Variants in DAPK2 observed in about 807,000 individuals in gnomAD.
The protein encoded by DAPK2 is death associated protein kinase 2.
In DAPK2, 35 loss-of-function variants were observed where a neutral mutation model predicts 44.1. That is an observed-to-expected ratio of 0.79 (90% CI 0.61 to 1.05). The LOEUF (loss-of-function observed/expected upper bound fraction) is 1.05. DAPK2 is among the 50% of genes least tolerant of loss of function. The pLI, the probability that DAPK2 is intolerant of heterozygous loss-of-function variation, is 0.00. For synonymous variants in DAPK2, 174 were observed against 182.6 expected (o/e 0.95, Z 0.38); for missense variants, 453 against 483.2 (o/e 0.94, Z 0.59).
chr15:63,980,917 C>T lies in DAPK2; in HGVS notation c.314+2616G>A, dbSNP rs1462195651. Among the ~76,000 whole-genome samples the T allele has an allele frequency of 2.0e-5, 3 of 152,162 alleles. No homozygotes were observed. In the East Asian group the frequency reaches 5.8e-4, roughly 29 times the overall value. On this transcript the variant is annotated intron_variant, in intron 2 of 10. Transcript: ENST00000261891. The surrounding 1 kb of genome is among the most constrained non-coding windows in gnomAD (Gnocchi z 4.3). ...CCAGCCTGGCCAACATGGAGAAACC[C>T]CATCTCTACTAAAAATACAAAAATT... is the stretch of plus-strand genomic sequence containing the variant.
At chr15:64,029,471 C>T (rs2079948691) in intron 1 of DAPK2, among the ~76,000 whole-genome samples, 1 of 152,152 alleles carries the variant, frequency 6.6e-6, no homozygotes, top group Admixed American at 6.5e-5. Flanking sequence ...TAGTTACCGG[C>T]CTATCTCCTG....
chr15:63,955,645 G>A (rs534184557), intron 3 of DAPK2, among the ~76,000 whole-genome samples: 173 of 152,172 alleles, frequency 1.1e-3, no homozygotes, highest in Non-Finnish European at 2.0e-3. Context: ...CATGGCTCAC[G>A]TGGCCTCTGC....
upstream of DAPK2, among the ~76,000 whole-genome samples, chr15:64,042,520 A>G (rs2080374126): frequency 6.6e-6 from 1 of 152,210 alleles, no homozygotes; most frequent in African/African-American, 2.4e-5. This position sits in a 1 kb window ranked among gnomAD's most constrained non-coding sequence, Gnocchi z 4.7. Context: ...GTGAGAGGCC[A>G]GCTCCATTTG....
At position 63,912,325 on chromosome 15, in the gene DAPK2, G is replaced by T. The variant is rs1454582787; in HGVS notation, c.859-128C>A. On this transcript the variant is annotated intron_variant, in intron 8 of 10. Transcript: ENST00000261891. The surrounding 1 kb of genome is among the most constrained non-coding windows in gnomAD (Gnocchi z 4.4). ...CTTGACCCTGGCATCTCCCCGCCAG[G>T]TGGGGCACACCGTGGGAGCATCACA... is the stretch of plus-strand genomic sequence containing the variant. 4.9e-6 allele frequency: 4 copies of T among 822,120 alleles called. No individual in the cohort carries two copies. The highest frequency in any genetic ancestry group is 5.9e-6 in the Non-Finnish European group (3 of 507,488). 50.9% of individuals were successfully genotyped at this position (822,120 alleles called of 1,614,324 possible). A position where few individuals can be genotyped will look rare whatever the true frequency, so the allele number is the denominator to read the frequency against.
At chr15:63,945,509 G>C (rs1424798823) in intron 3 of DAPK2, among the ~76,000 whole-genome samples, 1 of 152,180 alleles carries the variant, frequency 6.6e-6, no homozygotes, top group Non-Finnish European at 1.5e-5. Flanking sequence ...GAGCAGGAAG[G>C]AACGGCACTA....
At chr15:63,949,723 T>C (rs2077538839) in intron 3 of DAPK2, among the ~76,000 whole-genome samples, 1 of 152,190 alleles carries the variant, frequency 6.6e-6, no homozygotes, top group Non-Finnish European at 1.5e-5. Context: ...AAACCAATGC[T>C]ACAGAGGGCC....
intron 2 of DAPK2, among the ~76,000 whole-genome samples, chr15:63,983,021 C>T (rs1006726138): frequency 6.6e-6 from 1 of 152,184 alleles, no homozygotes; most frequent in Admixed American, 6.5e-5. Flanking sequence ...TAAATAATAG[C>T]TATTATTATA....
rs1319724523 is a variant in DAPK2, at chr15:63,916,778, GCT to G, written c.859-4583_859-4582del. On this transcript the variant is annotated intron_variant, in intron 8 of 10. Coordinates refer to ENST00000261891, the Ensembl canonical transcript of DAPK2. This position sits in a 1 kb window ranked among gnomAD's most constrained non-coding sequence, Gnocchi z 4.7. ...CTGAGTTAGGTCTTGACATGGATACGCTCTGTTTTTTATTCTTCTATGGGACC... is the reference window on the plus strand; with the variant it reads ...CTGAGTTAGGTCTTGACATGGATACGCTGTTTTTTATTCTTCTATGGGACC... The G allele has an allele frequency of 6.6e-6, 1 of 152,226 alleles. No homozygotes were observed. The highest frequency in any genetic ancestry group is 1.5e-5 in the Non-Finnish European group (1 of 68,050). 9.4% of individuals were successfully genotyped at this position (152,226 alleles called of 1,614,324 possible). A position where few individuals can be genotyped will look rare whatever the true frequency, so the allele number is the denominator to read the frequency against.
intron 3 of DAPK2, among the ~76,000 whole-genome samples, chr15:63,951,629 T>A (rs951822189): frequency 6.6e-6 from 1 of 152,176 alleles, no homozygotes. Context: ...AGTCTCACTA[T>A]GGCCAGCTCC....
chr15:63,977,161 T>C (rs916853655), intron 2 of DAPK2, among the ~76,000 whole-genome samples: 1 of 152,158 alleles, frequency 6.6e-6, no homozygotes, highest in African/African-American at 2.4e-5. Context: ...GATGGCACAT[T>C]TGAGCATATG....
At chr15:64,010,333 T>C (rs1298449196) in intron 1 of DAPK2, among the ~76,000 whole-genome samples, 1 of 152,198 alleles carries the variant, frequency 6.6e-6, no homozygotes, top group African/African-American at 2.4e-5. Flanking sequence ...ATAAATATCA[T>C]TTTTAACTTA....
At chr15:63,958,688 G>A (rs895977787) in intron 3 of DAPK2, among the ~76,000 whole-genome samples, 2 of 152,034 alleles carry the variant, frequency 1.3e-5, no homozygotes, top group African/African-American at 4.8e-5. Flanking sequence ...ATTTCCGAGG[G>A]CTCTATTCTG....
intron 2 of DAPK2, among the ~76,000 whole-genome samples, chr15:63,975,600 TTTTC>T (rs893499395): frequency 2.0e-5 from 2 of 98,462 alleles, no homozygotes; most frequent in Non-Finnish European, 4.1e-5. Context: ...GATTCTTTTC[TTTTC>T]TTTTTTTTTT....
At chr15:63,950,515 G>T (rs2077558281) in intron 3 of DAPK2, among the ~76,000 whole-genome samples, 2 of 151,852 alleles carry the variant, frequency 1.3e-5, no homozygotes, top group South Asian at 4.1e-4. Context: ...ACAGTGCCCA[G>T]CCAGAAAGAG....
chr15:64,013,333 G>A lies in DAPK2; in HGVS notation c.92+26837C>T, dbSNP rs1197095703. The stretch of plus-strand genomic sequence containing the variant: ...TACTGAGATTTTAAGCTGGGAGGCT[G>A]CAAGTCACAAGACATTAAGTGAATG... On this transcript the variant is annotated intron_variant, in intron 1 of 10. Transcript: ENST00000261891. The surrounding 1 kb of genome is among the most constrained non-coding windows in gnomAD (Gnocchi z 4.7). 2.0e-5 allele frequency among the ~76,000 whole-genome samples: 3 copies of A among 152,218 alleles called. No individual in the cohort carries two copies. The highest frequency in any genetic ancestry group is 2.0e-4 in the Admixed American group (3 of 15,278).
rs1271221559 is a variant in DAPK2 at position 63,929,529 on chromosome 15, C to T, written c.659+22G>A. 6 of 1,613,574 alleles carry T rather than the reference C, an allele frequency of 3.7e-6. 1 individual carries two copies. The African/African-American group carries it at 5.4e-5, about 14-fold the overall frequency. ...CCCCCAGATCTAAGCTGAGCCAGAG[C>T]CCCTGGATCAGGGATACTCACAGGA... On this transcript the variant is annotated intron_variant, in intron 6 of 10. Coordinates refer to ENST00000261891, the Ensembl canonical transcript of DAPK2.
In DAPK2 at chr15:63,939,199, C is replaced by G. The variant is rs749266624; in HGVS notation, c.583+33G>C. ...GGATCCCTACCTTTGATGCCAGATT[C>G]TTAGCTGAAAGACAAACAGGCCTAC... On this transcript the variant is annotated intron_variant, in intron 4 of 10. Transcript: ENST00000261891. This position sits in a 1 kb window ranked among gnomAD's most constrained non-coding sequence, Gnocchi z 4.3. The G allele has an allele frequency of 1.1e-5, 17 of 1,610,626 alleles. No individual in the cohort carries two copies. Among genetic ancestry groups the G allele is most frequent in the African/African-American group, 1.3e-5 (1 of 74,760 alleles).
chr15:63,961,694 T>C (rs1311850525), intron 3 of DAPK2, among the ~76,000 whole-genome samples: 1 of 152,194 alleles, frequency 6.6e-6, no homozygotes, highest in Admixed American at 6.5e-5. Context: ...GCTTGTAGGG[T>C]TTCTGCCGAG....
chr15:64,003,232 C>T (rs561327098), intron 1 of DAPK2, among the ~76,000 whole-genome samples: 6 of 152,286 alleles, frequency 3.9e-5, no homozygotes, highest in Non-Finnish European at 7.3e-5. Flanking sequence ...TCTTCTAACT[C>T]TGAAGGCTGG....
Sources: allele counts gnomAD v4.1 joint callset (sites outside exome capture counted in the v4.1 genomes callset), GRCh38; gene constraint gnomAD v4.1.1; non-coding constraint Gnocchi (gnomAD v3.1); transcripts MANE v1.5; gene names NCBI Gene and HGNC (gene_info 2026-07-23, HGNC 2026-07-21).